Variants in CNTN4 observed in about 807,000 individuals in gnomAD.
The protein encoded by CNTN4 is contactin-4.
CNTN4 carries 77 observed loss-of-function variants against 122.5 expected under a neutral mutation model. The observed-to-expected ratio is 0.63, with a 90% CI of 0.52 to 0.76. CNTN4 has a LOEUF of 0.76. Ranked by LOEUF, CNTN4 falls within the 30% of genes least tolerant of loss-of-function variation. The probability of loss-of-function intolerance (pLI) is 0.00; values close to 1 mark genes in which losing one functional copy is unlikely to be tolerated. For missense variants in CNTN4, 1,256 were observed against 1,259.1 expected (o/e 1.00, Z 0.04); for synonymous variants, 512 against 447.0 (o/e 1.15, Z -1.83).
rs200751787 is a variant in CNTN4 at position 2,239,688 on chromosome 3, GTCT to G, written c.-144-99482_-144-99480del. ...TTGTATTGGTAAGACTGCAATAGCA[GTCT>G]TCTTCTTATAATTAATAAATTAAGA... On this transcript the variant is annotated intron_variant, in intron 2 of 24. Coordinates refer to ENST00000418658, the MANE Select transcript of CNTN4 (RefSeq NM_175607.3). Among the ~76,000 whole-genome samples the G allele has an allele frequency of 6.8e-3, 1,038 of 152,270 alleles. 10 individuals are homozygous for G. The highest frequency in any genetic ancestry group is 0.024 in the African/African-American group (1,003 of 41,556).
intron 2 of CNTN4, among the ~76,000 whole-genome samples, chr3:2,306,632 C>T (rs2042717704): frequency 6.6e-6 from 1 of 151,998 alleles, no homozygotes. Context: ...AATATAAGGA[C>T]CATCTTTATA....
At chr3:2,957,808 A>G (rs560632714) in intron 13 of CNTN4, among the ~76,000 whole-genome samples, 1 of 152,180 alleles carries the variant, frequency 6.6e-6, no homozygotes, top group African/African-American at 2.4e-5. Flanking sequence ...CATGGTGTAT[A>G]TGTGTTGCAT....
At chr3:2,193,398 C>G (rs1194341266) in intron 2 of CNTN4, among the ~76,000 whole-genome samples, 1 of 151,322 alleles carries the variant, frequency 6.6e-6, no homozygotes, top group African/African-American at 2.4e-5. Flanking sequence ...ATAGAAGGGA[C>G]TATAAAAATG....
chr3:2,140,760 C>T (rs1254014562), intron 2 of CNTN4, among the ~76,000 whole-genome samples: 1 of 152,140 alleles, frequency 6.6e-6, no homozygotes, highest in African/African-American at 2.4e-5. Context: ...TGGTACAAAG[C>T]TGGTGTATGC....
chr3:2,657,754 T>G (rs572369564), intron 4 of CNTN4, among the ~76,000 whole-genome samples: 1 of 152,180 alleles, frequency 6.6e-6, no homozygotes, highest in South Asian at 2.1e-4. Flanking sequence ...TGTTTTCTAA[T>G]GCAAATCGTT....
chr3:2,510,502 G>A (rs934962380), intron 3 of CNTN4, among the ~76,000 whole-genome samples: 1 of 152,038 alleles, frequency 6.6e-6, no homozygotes, highest in Non-Finnish European at 1.5e-5. Flanking sequence ...CTTTGCGTGT[G>A]GTGGACTTTA....
chr3:2,608,230 G>A (rs2081340007), intron 4 of CNTN4, among the ~76,000 whole-genome samples: 1 of 152,138 alleles, frequency 6.6e-6, no homozygotes, highest in Non-Finnish European at 1.5e-5. Flanking sequence ...AGAAATCTGA[G>A]GCAGAGAAAA....
chr3:2,233,350 C>T (rs898440705), intron 2 of CNTN4, among the ~76,000 whole-genome samples: 3 of 152,198 alleles, frequency 2.0e-5, no homozygotes, highest in African/African-American at 4.8e-5. Flanking sequence ...ATAACTCCAC[C>T]GTATGGCCTC....
intron 6 of CNTN4, among the ~76,000 whole-genome samples, chr3:2,798,681 T>C (rs1319925620): frequency 6.6e-6 from 1 of 152,130 alleles, no homozygotes; most frequent in Admixed American, 6.5e-5. Flanking sequence ...GGCTGTTTTT[T>C]TGTATTTTTA....
intron 4 of CNTN4, among the ~76,000 whole-genome samples, chr3:2,692,068 A>C (rs566422197): frequency 2.7e-5 from 4 of 150,626 alleles, no homozygotes; most frequent in South Asian, 4.4e-4. Context: ...ATTTTCATTT[A>C]GTGTGTTGGA....
intron 2 of CNTN4, among the ~76,000 whole-genome samples, chr3:2,184,703 C>T (rs994581288): frequency 1.3e-4 from 20 of 152,160 alleles, no homozygotes; most frequent in African/African-American, 4.8e-4. Flanking sequence ...TGTAAGGACA[C>T]AACCTCATCC....
chr3:3,009,596 G>A (rs1188156757), intron 14 of CNTN4, among the ~76,000 whole-genome samples: 3 of 100,672 alleles, frequency 3.0e-5, no homozygotes, highest in Non-Finnish European at 4.4e-5. Flanking sequence ...ACCACGCCCG[G>A]CTAATTTTTT....
intron 4 of CNTN4, among the ~76,000 whole-genome samples, chr3:2,619,470 T>C (rs866283046): frequency 6.6e-6 from 1 of 152,246 alleles, no homozygotes; most frequent in Middle Eastern, 3.2e-3. Flanking sequence ...GGGAAAATAT[T>C]TGCAGCCTCT....
chr3:2,108,827 G>A (rs1454748185), intron 2 of CNTN4, among the ~76,000 whole-genome samples: 1 of 152,204 alleles, frequency 6.6e-6, no homozygotes, highest in Non-Finnish European at 1.5e-5. Flanking sequence ...TACATGCAAA[G>A]TACAAGCAGG....
intron 6 of CNTN4, among the ~76,000 whole-genome samples, chr3:2,784,462 A>C (rs1037872568): frequency 1.3e-5 from 2 of 152,206 alleles, no homozygotes; most frequent in Admixed American, 6.5e-5. Flanking sequence ...GTTTTAGAGA[A>C]GTTAAGGTCT....
intron 3 of CNTN4, among the ~76,000 whole-genome samples, chr3:2,512,422 A>G (rs1032708947): frequency 5.9e-5 from 9 of 152,212 alleles, no homozygotes; most frequent in African/African-American, 2.2e-4. Context: ...CTCAAATGCC[A>G]TCTATCAAAT....
chr3:2,932,401 A>G (rs1309471438), intron 13 of CNTN4, among the ~76,000 whole-genome samples: 1 of 152,166 alleles, frequency 6.6e-6, no homozygotes, highest in Non-Finnish European at 1.5e-5. Flanking sequence ...AAAATAAAAA[A>G]TAAGTACAAA....
intron 2 of CNTN4, among the ~76,000 whole-genome samples, chr3:2,141,726 A>G (rs2035006645): frequency 6.6e-6 from 1 of 152,108 alleles, no homozygotes; most frequent in South Asian, 2.1e-4. Flanking sequence ...ATAACTACAT[A>G]ATCACACTTT....
intron 12 of CNTN4, among the ~76,000 whole-genome samples, chr3:2,922,707 G>A (rs550362437): frequency 7.0e-6 from 1 of 143,244 alleles, no homozygotes; most frequent in African/African-American, 2.6e-5. Flanking sequence ...CCACCTCCCA[G>A]GTTAAAGCGC....
Sources: gnomAD v4.1 joint callset for allele counts (sites outside exome capture counted in the v4.1 genomes callset) on GRCh38, gnomAD v4.1.1 for gene constraint, MANE v1.5 for transcripts, NCBI Gene and HGNC (gene_info 2026-07-23, HGNC 2026-07-21) for gene names.